Variants in COL11A2 observed in about 807,000 individuals in gnomAD.
COL11A2 encodes the protein collagen type XI alpha 2 chain, also known as collagen alpha-2(XI) chain.
COL11A2 carries 116 observed loss-of-function variants against 273.4 expected under a neutral mutation model. That is an observed-to-expected ratio of 0.42 (90% CI 0.36 to 0.49). The LOEUF (loss-of-function observed/expected upper bound fraction) is 0.49, where lower values mean the gene tolerates loss of function less well. COL11A2 is among the 20% of genes least tolerant of loss of function. The probability of loss-of-function intolerance (pLI) is 0.00; values close to 1 mark genes in which losing one functional copy is unlikely to be tolerated. For synonymous variants in COL11A2, 782 were observed against 864.2 expected, an observed-to-expected ratio of 0.90 and a Z score of 1.67; for missense variants, 1,866 against 2,309.0, an observed-to-expected ratio of 0.81 and a Z score of 3.93.
At position 33,176,537 on chromosome 6, in the gene COL11A2, G is replaced by T. The variant is rs746427557; in HGVS notation, c.2116-51C>A. ...TAAAGGGGCCTCAGAGTGTCACTGT[G>T]GGGGCCTCCAGGGGTGGAAGAAATG... is the stretch of plus-strand genomic sequence containing the variant. On this transcript the variant is annotated intron_variant, in intron 26 of 65. Coordinates refer to ENST00000341947, the MANE Select transcript of COL11A2 (RefSeq NM_080680.3). This position sits in a 1 kb window ranked among gnomAD's most constrained non-coding sequence, Gnocchi z 4.9. The T allele has an allele frequency of 6.4e-7, 1 of 1,550,504 alleles. No homozygotes were observed. The highest frequency in any genetic ancestry group is 1.7e-5 in the Admixed American group (1 of 59,680).
In COL11A2 at chr6:33,173,516, G is replaced by C. The variant is rs1288604007; in HGVS notation, c.2668C>G (p.Pro890Ala). ...GPQGPNGFPG[P>A]KGPPGPPGKD... ...GGTCAACTTACCGGGGGTCCTTTCGGTCCAGGAAACCCGTTGGGACCCTGA... is the reference window on the plus strand; with the variant it reads ...GGTCAACTTACCGGGGGTCCTTTCGCTCCAGGAAACCCGTTGGGACCCTGA... The change falls in exon 36 of 66, where the codon CCG becomes GCG. Residue 890 changes from proline (P) to alanine (A), a missense_variant. Physicochemically the swap from Pro to Ala is conservative, Grantham distance 27. Transcript: ENST00000341947. This position sits in a 1 kb window ranked among gnomAD's most constrained non-coding sequence, Gnocchi z 6.3. 5 of 1,611,068 alleles carry C rather than the reference G, an allele frequency of 3.1e-6. No individual in the cohort carries two copies. The highest frequency in any genetic ancestry group is 4.2e-6 in the Non-Finnish European group (5 of 1,179,302).
rs1583389273 is a variant in COL11A2 at position 33,190,395 on chromosome 6, C to A, written c.83-926G>T. Among the ~76,000 whole-genome samples, 1 of 152,130 alleles carries A rather than the reference C, an allele frequency of 6.6e-6. No homozygotes were observed. Among genetic ancestry groups the A allele is most frequent in the African/African-American group, 2.4e-5 (1 of 41,408 alleles). On this transcript the variant is annotated intron_variant, in intron 1 of 65. Transcript: ENST00000341947. The surrounding 1 kb of genome is among the most constrained non-coding windows in gnomAD (Gnocchi z 4.5). ...TGGGACCCAAAGATTCAAGATCCAG[C>A]CCACCAGCCCTGTCTAACTAGAACT...
Position 33,180,536 on chromosome 6 carries a change from G to T in COL11A2, c.1284+132C>A, listed in dbSNP as rs1386847853. The T allele has an allele frequency of 3.5e-5, 35 of 989,928 alleles. 1 individual carries two copies. The East Asian group carries it at 8.4e-4, about 24-fold the overall frequency. The allele number at this position is 989,928 out of a possible 1,614,324, so 61.3% of individuals were successfully genotyped here. A position where few individuals can be genotyped will look rare whatever the true frequency, so the allele number is the denominator to read the frequency against. On this transcript the variant is annotated intron_variant, in intron 11 of 65. Transcript: ENST00000341947. ...CCAGAGTCTGCCCTCCTTTCTGGTT[G>T]CTGGGAAGCACAACCATCCCCTCAT...
Position 33,185,006 on chromosome 6 carries a change from G to A in COL11A2, c.925C>T (p.Pro309Ser), listed in dbSNP as rs1271170250. 1 of 1,551,234 alleles carries A rather than the reference G, an allele frequency of 6.4e-7. No homozygotes were observed. The highest frequency in any genetic ancestry group is 2.0e-5 in the Admixed American group (1 of 50,996). The part of the protein sequence containing the change: ...EEEILESSLL[P>S]PLEEEQTDLQ... ...CATAGAGTTACCTCCTCAAGGGGTG[G>A]CAAGAGGCTCGACTCCAGGATTTCT... The change falls in exon 7 of 66, where the codon CCA becomes TCA. Residue 309 changes from proline to serine, a missense_variant. Transcript: ENST00000341947.
intron 4 of COL11A2, among the ~76,000 whole-genome samples, chr6:33,187,500 T>C (rs1226875481): frequency 6.6e-6 from 1 of 152,066 alleles, no homozygotes; most frequent in East Asian, 1.9e-4. Context: ...AATGGAGGGA[T>C]GGGTGAATGG....
At chr6:33,182,903 A>G (rs935667474) in intron 8 of COL11A2, among the ~76,000 whole-genome samples, 1 of 152,072 alleles carries the variant, frequency 6.6e-6, no homozygotes, top group Non-Finnish European at 1.5e-5. Flanking sequence ...ACTCCCCCCA[A>G]CAAAGATCTT....
At chr6:33,172,445 C>A in intron 39 of COL11A2, 67 bp from the exon 40 acceptor site, 3 of 1,554,430 alleles carry the variant, frequency 1.9e-6, no homozygotes, top group Non-Finnish European at 1.8e-6. Flanking sequence ...CTCTCCAGCC[C>A]CCCCTCAAAT....
In COL11A2 at chr6:33,170,237, C is replaced by T. The variant is rs1583305810; in HGVS notation, c.3582+89G>A. On this transcript the variant is annotated intron_variant, in intron 48 of 65. Transcript: ENST00000341947. The surrounding 1 kb of genome is among the most constrained non-coding windows in gnomAD (Gnocchi z 4.3). ...CGGGAGTAAGGGCTTCTCTTGGCCC[C>T]TGAGACGATACTAGAGTTTATGGTC... 6.3e-7 allele frequency: 1 copy of T among 1,575,444 alleles called. No individual in the cohort carries two copies. Among genetic ancestry groups the T allele is most frequent in the Non-Finnish European group, 8.7e-7 (1 of 1,149,694 alleles).
At chr6:33,181,063 T>G (rs1454403811) in intron 9 of COL11A2, 48 bp downstream of exon 9, 2 of 1,614,170 alleles carry the variant, frequency 1.2e-6, no homozygotes, top group South Asian at 1.1e-5. Flanking sequence ...CAACCCCACT[T>G]GCTTCTCCTA....
chr6:33,179,417 C>A lies in COL11A2; in HGVS notation c.1503+14G>T. The A allele has an allele frequency of 1.9e-6, 3 of 1,568,880 alleles. No individual in the cohort carries two copies. Among genetic ancestry groups the A allele is most frequent in the Non-Finnish European group, 2.6e-6 (3 of 1,157,150 alleles). On this transcript the variant is annotated intron_variant, in intron 14 of 65. Transcript: ENST00000341947. The surrounding 1 kb of genome is among the most constrained non-coding windows in gnomAD (Gnocchi z 6.4). ...AATTAAAGCATCCTCCACCCGAGCACCCTGCTCACTCACCAAGGGTCCAGG... is the reference window on the plus strand; with the variant it reads ...AATTAAAGCATCCTCCACCCGAGCAACCTGCTCACTCACCAAGGGTCCAGG...
Position 33,166,266 on chromosome 6 carries a change from A to C in COL11A2, c.4393-60T>G. 6.4e-7 allele frequency: 1 copy of C among 1,562,710 alleles called. No individual in the cohort carries two copies. Among genetic ancestry groups the C allele is most frequent in the Non-Finnish European group, 8.7e-7 (1 of 1,152,916 alleles). ...GCAGGGGAAGGACAGGACTCAGAGG[A>C]GCGGGGAGGCAAGGTCCCAAGTCCA... On this transcript the variant is annotated intron_variant, in intron 60 of 65. Coordinates refer to ENST00000341947, the MANE Select transcript of COL11A2 (RefSeq NM_080680.3). The surrounding 1 kb of genome is among the most constrained non-coding windows in gnomAD (Gnocchi z 4.8).
chr6:33,171,338 G>T lies in COL11A2; in HGVS notation c.3259-14C>A. On this transcript the variant is annotated splice_polypyrimidine_tract_variant and intron_variant, in intron 43 of 65. Transcript: ENST00000341947. ...CCCCACCTCACCCTGGGAGGAGAAG[G>T]CAGACAAGATATTAGAGAAAGGTGA... The T allele has an allele frequency of 2.5e-6, 4 of 1,614,178 alleles. No homozygotes were observed. The highest frequency in any genetic ancestry group is 3.4e-6 in the Non-Finnish European group (4 of 1,179,986).
At position 33,189,068 on chromosome 6, in the gene COL11A2, C is replaced by G. The variant is rs41268014; in HGVS notation, c.353G>C (p.Arg118Pro). Residue 118 changes from arginine (R) to proline (P), a missense_variant, in exon 3 of 66, where the codon CGA (arginine) becomes CCA (proline). Arg to Pro is a moderately radical substitution (Grantham distance 103). Transcript: ENST00000341947. The surrounding 1 kb of genome is among the most constrained non-coding windows in gnomAD (Gnocchi z 5.6). ...GVRQLGLELG[R>P]PVRFLYEDQT... The stretch of plus-strand genomic sequence containing the variant: ...GTCTTCATACAGGAAGCGGACAGGT[C>G]GGCCCAGCTCCAGGCCCAGCTGTCG... 2,497 of 1,614,162 alleles carry G rather than the reference C, an allele frequency of 1.5e-3. 3 individuals carry two copies. The highest frequency in any genetic ancestry group is 2.1e-3 in the Admixed American group (129 of 60,026).
At chr6:33,183,642 G>A (rs998987541) in intron 8 of COL11A2, among the ~76,000 whole-genome samples, 1 of 152,160 alleles carries the variant, frequency 6.6e-6, no homozygotes, top group Non-Finnish European at 1.5e-5. Flanking sequence ...ACCTGACACA[G>A]TTACCAAGAT....
chr6:33,169,394 TG>T lies in COL11A2; in HGVS notation c.3786del (p.Asn1265ThrfsTer80). The T allele has an allele frequency of 6.2e-7, 1 of 1,612,790 alleles. No individual in the cohort carries two copies. Among genetic ancestry groups the T allele is most frequent in the Non-Finnish European group, 8.5e-7 (1 of 1,179,976 alleles). ...TGCCCCAAACTCACAGGGTTCCCTT[TG>T]GGGCCATCATCGCCTGTGGGGCCTT... ...GPKGPTGDDG[P>X]KGNPGPVGFP... On this transcript the variant is annotated frameshift_variant, in exon 51 of 66. Coordinates refer to ENST00000341947, the MANE Select transcript of COL11A2 (RefSeq NM_080680.3). LOFTEE classifies it high-confidence loss of function. This position sits in a 1 kb window ranked among gnomAD's most constrained non-coding sequence, Gnocchi z 5.5.
chr6:33,181,123 T>C lies in COL11A2; in HGVS notation c.1167A>G (p.Ala389=). Residue 389 remains alanine (A), a synonymous_variant, in exon 9 of 66, where the codon GCA becomes GCG. Transcript: ENST00000341947. ...RGLKGEKGEP[A]VLEPGMLVEG... ...CAGCATAACTTACAGGTTCCAACACTGCAGGCTCTCCTTTCTCTCCCTTCA... is the reference window on the plus strand; with the variant it reads ...CAGCATAACTTACAGGTTCCAACACCGCAGGCTCTCCTTTCTCTCCCTTCA... 6.2e-7 allele frequency: 1 copy of C among 1,614,156 alleles called. No individual in the cohort carries two copies. The highest frequency in any genetic ancestry group is 8.5e-7 in the Non-Finnish European group (1 of 1,180,014).
At position 33,177,683 on chromosome 6, in the gene COL11A2, G is replaced by A. The variant is rs1380469561; in HGVS notation, c.1896C>T (p.Pro632=). 4.3e-6 allele frequency: 7 copies of A among 1,613,012 alleles called. No individual in the cohort carries two copies. The highest frequency in any genetic ancestry group is 1.6e-4 in the Middle Eastern group (1 of 6,062). The change falls in exon 22 of 66, where the codon CCC becomes CCT. Residue 632 remains proline (P), a synonymous_variant. Transcript: ENST00000341947. This position sits in a 1 kb window ranked among gnomAD's most constrained non-coding sequence, Gnocchi z 5.9. ...TCACCAAGCTCCCTTTGGGGCCCTG[G>A]GGACCATCCATGCCTCGGACGCCCT... ...GPPGVRGMDG[P]QGPKGSLGPQ...
Position 33,189,488 on chromosome 6 carries a change from A to G in COL11A2, c.83-19T>C. On this transcript the variant is annotated intron_variant, in intron 1 of 65. Coordinates refer to ENST00000341947, the MANE Select transcript of COL11A2 (RefSeq NM_080680.3). This position sits in a 1 kb window ranked among gnomAD's most constrained non-coding sequence, Gnocchi z 5.6. ...GGTGCACCTGGGAGAGTCCATGATT[A>G]TCAGGAGAAGGGACATGCCCTCAGG... 6.2e-7 allele frequency: 1 copy of G among 1,612,894 alleles called. No homozygotes were observed.
intron 8 of COL11A2, 57 bp downstream of exon 8, chr6:33,184,088 C>A (rs779552975): frequency 7.5e-5 from 100 of 1,330,088 alleles, no homozygotes; most frequent in Non-Finnish European, 1.0e-4. Context: ...CAACAAGAAG[C>A]AATTCTTGTA....
Sources: gnomAD v4.1 joint callset for allele counts (sites outside exome capture counted in the v4.1 genomes callset) on GRCh38, gnomAD v4.1.1 for gene constraint, Gnocchi (gnomAD v3.1) non-coding constraint, MANE v1.5 for transcripts, NCBI Gene and HGNC (gene_info 2026-07-23, HGNC 2026-07-21) for gene names.